Variants in TNFRSF8 observed in about 807,000 individuals in gnomAD.
The protein encoded by TNFRSF8 is tumor necrosis factor receptor superfamily member 8.
In TNFRSF8, 26 loss-of-function variants were observed where a neutral mutation model predicts 70.8. The observed-to-expected ratio is 0.37, with a 90% confidence interval of 0.27 to 0.51. TNFRSF8 has a LOEUF of 0.51. TNFRSF8 is among the 20% of genes least tolerant of loss of function. The pLI is 0.94. For missense variants in TNFRSF8, 720 were observed against 807.9 expected (o/e 0.89, Z 1.32); for synonymous variants, 356 against 339.2 (o/e 1.05, Z -0.54).
At chr1:12,129,128 T>C (rs1641999298) in intron 12 of TNFRSF8, among the ~76,000 whole-genome samples, 1 of 152,222 alleles carries the variant, frequency 6.6e-6, no homozygotes, top group African/African-American at 2.4e-5. Flanking sequence ...CCACCATGCC[T>C]GGCCTTAAAA....
In TNFRSF8 at chr1:12,112,122, G is replaced by A. The variant is rs922720668; in HGVS notation, c.793+108G>A. On this transcript the variant is annotated intron_variant, in intron 7 of 14. Transcript: ENST00000263932. This position sits in a 1 kb window ranked among gnomAD's most constrained non-coding sequence, Gnocchi z 5.3. The stretch of plus-strand genomic sequence containing the variant: ...TGTTTGTGGGTTTTTGATGGGGGTC[G>A]CCTCTTTTCAGAGGGCTTCCATTGG... The A allele has an allele frequency of 2.1e-5, 16 of 752,548 alleles. No individual in the cohort carries two copies. The highest frequency in any genetic ancestry group is 2.4e-4 in the Middle Eastern group (1 of 4,180). 46.6% of individuals were successfully genotyped at this position (752,548 alleles called of 1,614,324 possible). A position where few individuals can be genotyped will look rare whatever the true frequency, so the allele number is the denominator to read the frequency against.
Position 12,108,324 on chromosome 1 carries a change from C to T in TNFRSF8, c.422-1242C>T, listed in dbSNP as rs972664653. 1.3e-5 allele frequency among the ~76,000 whole-genome samples: 2 copies of T among 151,908 alleles called. No homozygotes were observed. Among genetic ancestry groups the T allele is most frequent in the Non-Finnish European group, 2.9e-5 (2 of 67,990 alleles). ...CGAACTCCTGACCTCATGATCCGCC[C>T]ACCTCGGCCTCCCAAAGTGTTGGGA... On this transcript the variant is annotated intron_variant, in intron 4 of 14. Coordinates refer to ENST00000263932, the MANE Select transcript of TNFRSF8 (RefSeq NM_001243.5). The surrounding 1 kb of genome is among the most constrained non-coding windows in gnomAD (Gnocchi z 4.0).
chr1:12,103,804 G>A (rs999695250), intron 3 of TNFRSF8, among the ~76,000 whole-genome samples: 2 of 152,154 alleles, frequency 1.3e-5, no homozygotes, highest in Admixed American at 6.5e-5. Flanking sequence ...CCCCTGTCAC[G>A]AACACCTTGC....
rs550110280 is a variant in TNFRSF8 at position 12,114,850 on chromosome 1, A to C, written c.794-727A>C. On this transcript the variant is annotated intron_variant, in intron 7 of 14. Coordinates refer to ENST00000263932, the MANE Select transcript of TNFRSF8 (RefSeq NM_001243.5). ...CAGCCTCCTGAGTAGCTGGGATTAC[A>C]GGCACGTGCCACCAGGCATGGCTAA... Among the ~76,000 whole-genome samples, 459 of 151,916 alleles carry C rather than the reference A, an allele frequency of 3.0e-3. 2 individuals are homozygous for C. Among genetic ancestry groups the C allele is most frequent in the African/African-American group, 0.011 (441 of 41,426 alleles).
At chr1:12,129,808 C>T (rs757713517) in intron 12 of TNFRSF8, among the ~76,000 whole-genome samples, 10 of 152,168 alleles carry the variant, frequency 6.6e-5, no homozygotes, top group South Asian at 2.1e-4. Context: ...TCCACTGTGA[C>T]GTCTCCATTT....
intron 13 of TNFRSF8, among the ~76,000 whole-genome samples, chr1:12,137,762 A>G (rs938461413): frequency 6.6e-6 from 1 of 151,570 alleles, no homozygotes; most frequent in South Asian, 2.1e-4. Flanking sequence ...GAGGTGGGGG[A>G]CCTGGAGCTG....
At chr1:12,125,421 G>T (rs551690863) in intron 10 of TNFRSF8, among the ~76,000 whole-genome samples, 1 of 152,290 alleles carries the variant, frequency 6.6e-6, no homozygotes, top group East Asian at 1.9e-4. Context: ...TAAACTGAAG[G>T]TAGTGACGGT....
chr1:12,085,449 G>C (rs912641937), intron 2 of TNFRSF8, among the ~76,000 whole-genome samples: 3 of 152,060 alleles, frequency 2.0e-5, no homozygotes, highest in African/African-American at 7.2e-5. Context: ...ACAAAGTCTC[G>C]CTATATTGCA....
intron 12 of TNFRSF8, among the ~76,000 whole-genome samples, chr1:12,129,597 G>T (rs936285306): frequency 2.6e-5 from 4 of 152,184 alleles, no homozygotes; most frequent in Non-Finnish European, 4.4e-5. Flanking sequence ...GCGCAGGCTG[G>T]TGATTTCATG....
intron 8 of TNFRSF8, among the ~76,000 whole-genome samples, chr1:12,122,928 A>G (rs1465318967): frequency 6.6e-6 from 1 of 151,940 alleles, no homozygotes; most frequent in East Asian, 2.0e-4. Flanking sequence ...TCCCGGGTTC[A>G]AACGATTCTC....
At position 12,112,006 on chromosome 1, in the gene TNFRSF8, G is replaced by A. The variant is rs1306068917; in HGVS notation, c.785G>A (p.Cys262Tyr). The A allele has an allele frequency of 6.2e-7, 1 of 1,613,864 alleles. No homozygotes were observed. Among genetic ancestry groups the A allele is most frequent in the East Asian group, 2.2e-5 (1 of 44,878 alleles). The change falls in exon 7 of 15, where the codon TGT becomes TAT. Residue 262 changes from cysteine to tyrosine, a missense_variant. Coordinates refer to ENST00000263932, the MANE Select transcript of TNFRSF8 (RefSeq NM_001243.5). This position sits in a 1 kb window ranked among gnomAD's most constrained non-coding sequence, Gnocchi z 5.3. The part of the protein sequence containing the change: ...EAGRCTACVS[C>Y]SRDDLVEKTP... Reference sequence around the variant, plus strand: ...GGCCGCTGCACGGCCTGCGTGAGCTGTTCTCGAGGTAAGGGCCTCGTCCCT... The same window carrying A: ...GGCCGCTGCACGGCCTGCGTGAGCTATTCTCGAGGTAAGGGCCTCGTCCCT...
chr1:12,134,969 G>A (rs11569930), intron 12 of TNFRSF8, among the ~76,000 whole-genome samples: 2,497 of 152,192 alleles, frequency 0.016, 65 homozygotes, highest in African/African-American at 0.056. Context: ...GCATGTGCGC[G>A]GGGGTGGGGG....
chr1:12,084,638 T>G, intron 2 of TNFRSF8, 87 bp downstream of exon 2: 1 of 1,252,946 alleles, frequency 8.0e-7, no homozygotes, highest in Non-Finnish European at 1.1e-6. Context: ...GTGGGGAAAT[T>G]GGAGCCAACC....
chr1:12,128,523 C>G (rs1034602274), intron 12 of TNFRSF8, among the ~76,000 whole-genome samples: 1 of 152,220 alleles, frequency 6.6e-6, no homozygotes, highest in African/African-American at 2.4e-5. Context: ...CTGTTATCCC[C>G]GTTGCACAGA....
At position 12,110,072 on chromosome 1, in the gene TNFRSF8, G is replaced by A; in HGVS notation, c.544G>A (p.Val182Met). 6.2e-7 allele frequency: 1 copy of A among 1,613,186 alleles called. No individual in the cohort carries two copies. Among genetic ancestry groups the A allele is most frequent in the Non-Finnish European group, 8.5e-7 (1 of 1,179,656 alleles). ...GTIPQAKPTPVSPATSSASTM... is the reference protein window; with the variant it reads ...GTIPQAKPTPMSPATSSASTM... ...CATCCCCCAGGCCAAGCCCACCCCG[G>A]TGTCCCCAGCAACCTCCAGTGCCAG... The change falls in exon 6 of 15, where the codon GTG becomes ATG. Residue 182 changes from valine (V) to methionine (M), a missense_variant. Physicochemically the swap from Val to Met is conservative, Grantham distance 21. Transcript: ENST00000263932. This position sits in a 1 kb window ranked among gnomAD's most constrained non-coding sequence, Gnocchi z 4.0.
chr1:12,123,515 A>C (rs1013823894), intron 9 of TNFRSF8, 138 bp downstream of exon 9: 2 of 960,522 alleles, frequency 2.1e-6, no homozygotes, highest in Non-Finnish European at 3.1e-6. Flanking sequence ...ATGTGTGCCC[A>C]TCTCTTTGCT....
intron 1 of TNFRSF8, among the ~76,000 whole-genome samples, chr1:12,083,161 A>C (rs777359779): frequency 7.9e-5 from 12 of 152,228 alleles, no homozygotes; most frequent in Non-Finnish European, 1.2e-4. Flanking sequence ...GATACCACCA[A>C]GTGCTGACAA....
intron 3 of TNFRSF8, among the ~76,000 whole-genome samples, chr1:12,098,756 A>G (rs928015655): frequency 1.6e-4 from 24 of 152,192 alleles, no homozygotes; most frequent in African/African-American, 4.8e-4. Context: ...AGAATCTACT[A>G]TCTCTTGCAG....
intron 12 of TNFRSF8, among the ~76,000 whole-genome samples, chr1:12,129,072 A>G (rs1641998198): frequency 6.6e-6 from 1 of 151,794 alleles, no homozygotes; most frequent in African/African-American, 2.4e-5. Context: ...TGACCTCATG[A>G]TCCGCCTGCC....
Sources: allele counts gnomAD v4.1 joint callset (sites outside exome capture counted in the v4.1 genomes callset), GRCh38; gene constraint gnomAD v4.1.1; non-coding constraint Gnocchi (gnomAD v3.1); transcripts MANE v1.5; gene names NCBI Gene and HGNC (gene_info 2026-07-23, HGNC 2026-07-21).